Variants in RAB31 observed in about 807,000 individuals in gnomAD.
RAB31 encodes the protein ras-related protein Rab-31.
A neutral mutation model predicts 25.6 loss-of-function variants in RAB31; 21 were observed. That is an observed-to-expected ratio of 0.82 (90% CI 0.58 to 1.18). The LOEUF (loss-of-function observed/expected upper bound fraction) is 1.18, where lower values mean the gene tolerates loss of function less well. Among genes scored for constraint, RAB31 ranks in the 50% most tolerant of loss-of-function variants. The pLI is 0.00. For synonymous variants in RAB31, 87 were observed against 84.0 expected (o/e 1.04, Z -0.20); for missense variants, 196 against 250.1 (o/e 0.78, Z 1.46).
chr18:9,721,076 T>G (rs1396733773), intron 1 of RAB31, among the ~76,000 whole-genome samples: 1 of 152,214 alleles, frequency 6.6e-6, no homozygotes, highest in Non-Finnish European at 1.5e-5. Flanking sequence ...TTCACCATTC[T>G]CTGATTTCCT....
chr18:9,775,215 T>C, intron 1 of RAB31, 63 bp from the exon 2 acceptor site: 1 of 1,609,776 alleles, frequency 6.2e-7, no homozygotes, highest in South Asian at 1.1e-5. Flanking sequence ...TGAGGTCAGT[T>C]AACCTCACAA....
chr18:9,824,612 G>T (rs577302943), intron 5 of RAB31, among the ~76,000 whole-genome samples: 1 of 152,306 alleles, frequency 6.6e-6, no homozygotes, highest in Middle Eastern at 3.4e-3. Flanking sequence ...CCCACTTAAG[G>T]CATTTGAGTG....
rs2068000366 is a variant in RAB31 at position 9,708,801 on chromosome 18, G to C, written c.39+357G>C. ...CGGCCCGCGAGTCCCCGGATCCGCG[G>C]CGACCTCGCGGGGACCCCCAGCGGG... On this transcript the variant is annotated intron_variant, in intron 1 of 6. Coordinates refer to ENST00000578921, the MANE Select transcript of RAB31 (RefSeq NM_006868.4). The surrounding 1 kb of genome is among the most constrained non-coding windows in gnomAD (Gnocchi z 6.4). Among the ~76,000 whole-genome samples the C allele has an allele frequency of 6.6e-6, 1 of 152,138 alleles. No homozygotes were observed. Among genetic ancestry groups the C allele is most frequent in the African/African-American group, 2.4e-5 (1 of 41,442 alleles).
At chr18:9,780,397 A>G (rs912423445) in intron 2 of RAB31, among the ~76,000 whole-genome samples, 2 of 152,176 alleles carry the variant, frequency 1.3e-5, no homozygotes, top group Non-Finnish European at 2.9e-5. Context: ...ACAACTGAAA[A>G]TGAAAAAAAC....
intron 1 of RAB31, among the ~76,000 whole-genome samples, chr18:9,727,536 G>A (rs1040614956): frequency 2.6e-5 from 4 of 152,080 alleles, no homozygotes; most frequent in East Asian, 1.9e-4. Context: ...GGCTGGTCTC[G>A]AACTCCTGGC....
In RAB31 at chr18:9,710,387, AG is replaced by A. The variant is rs554278715; in HGVS notation, c.39+1945del. 2.0e-4 allele frequency among the ~76,000 whole-genome samples: 30 copies of A among 152,314 alleles called. 1 individual carries two copies. In the South Asian group the frequency reaches 6.0e-3, roughly 30 times the overall value. ...CAAACCTGGGAGAGGAGGAAGCTGG[AG>A]GAAATCTCTTTACTTCTTTTATCTC... On this transcript the variant is annotated intron_variant, in intron 1 of 6. Transcript: ENST00000578921.
At chr18:9,803,375 A>G (rs1407756873) in intron 3 of RAB31, among the ~76,000 whole-genome samples, 2 of 151,708 alleles carry the variant, frequency 1.3e-5, no homozygotes, top group African/African-American at 2.4e-5. Context: ...AGCTGGGACT[A>G]TAGGCACCAG....
Position 9,805,366 on chromosome 18 carries a change from G to T in RAB31, c.202-8654G>T, listed in dbSNP as rs8087167. Among the ~76,000 whole-genome samples, 893 of 151,874 alleles carry T rather than the reference G, an allele frequency of 5.9e-3. 9 individuals are homozygous for T. Among genetic ancestry groups the T allele is most frequent in the African/African-American group, 0.021 (852 of 41,416 alleles). On this transcript the variant is annotated intron_variant, in intron 3 of 6. Coordinates refer to ENST00000578921, the MANE Select transcript of RAB31 (RefSeq NM_006868.4). ...AATCCTTCCTGGAGGTACAAGGGCA[G>T]AATCTTGTTTCCTTGCCTTTTTCAG...
At chr18:9,744,901 T>C (rs979100116) in intron 1 of RAB31, among the ~76,000 whole-genome samples, 6 of 151,518 alleles carry the variant, frequency 4.0e-5, no homozygotes, top group African/African-American at 1.5e-4. Context: ...TTTTACAACA[T>C]AGGGAACTAG....
intron 6 of RAB31, among the ~76,000 whole-genome samples, chr18:9,848,764 G>C (rs1294411033): frequency 6.6e-6 from 1 of 152,120 alleles, no homozygotes; most frequent in East Asian, 1.9e-4. Flanking sequence ...CCTTTAAAAA[G>C]GTGTGTTTAA....
intron 5 of RAB31, among the ~76,000 whole-genome samples, chr18:9,829,275 G>T (rs1226433037): frequency 2.0e-5 from 3 of 152,060 alleles, no homozygotes; most frequent in Admixed American, 6.6e-5. Flanking sequence ...CATTTTCCAA[G>T]CAGTAGATTT....
rs1391371024 is a variant in RAB31, at chr18:9,766,114, CCCGTT to C, written c.40-9163_40-9159del. Among the ~76,000 whole-genome samples, 5 of 152,102 alleles carry C rather than the reference CCCGTT, an allele frequency of 3.3e-5. No individual in the cohort carries two copies. Among genetic ancestry groups the C allele is most frequent in the Non-Finnish European group, 2.9e-5 (2 of 68,016 alleles). On this transcript the variant is annotated intron_variant, in intron 1 of 6. Transcript: ENST00000578921. The surrounding 1 kb of genome is among the most constrained non-coding windows in gnomAD (Gnocchi z 4.3). ...TGCTTCCTGGATTGAGCTTCCTGAG[CCCGTT>C]TGTCTTCTGCTCTGAGTTGACCCTG...
intron 1 of RAB31, among the ~76,000 whole-genome samples, chr18:9,758,600 A>G (rs1006905417): frequency 3.3e-5 from 5 of 151,970 alleles, no homozygotes; most frequent in African/African-American, 1.2e-4. Context: ...CCATCACAGC[A>G]CTTGTCACAG....
At chr18:9,775,709 C>A (rs754868146) in intron 2 of RAB31, among the ~76,000 whole-genome samples, 1 of 152,186 alleles carries the variant, frequency 6.6e-6, no homozygotes, top group Admixed American at 6.6e-5. Flanking sequence ...TGCTAATAAA[C>A]CCTGAAAATG....
intron 1 of RAB31, among the ~76,000 whole-genome samples, chr18:9,751,896 G>A (rs1004884232): frequency 6.6e-6 from 1 of 152,152 alleles, no homozygotes; most frequent in African/African-American, 2.4e-5. Context: ...CCAAGGTTCC[G>A]TTAACAGAGC....
At chr18:9,793,923 A>G (rs966939586) in intron 3 of RAB31, among the ~76,000 whole-genome samples, 3 of 151,976 alleles carry the variant, frequency 2.0e-5, no homozygotes, top group East Asian at 1.9e-4. Context: ...TCATCTTCCA[A>G]TATATTATTT....
intron 3 of RAB31, among the ~76,000 whole-genome samples, chr18:9,807,286 T>G (rs2068546753): frequency 6.6e-6 from 1 of 152,206 alleles, no homozygotes. Context: ...TCCCACACAG[T>G]GGGCTCTTGT....
At position 9,714,266 on chromosome 18, in the gene RAB31, G is replaced by A. The variant is rs538986283; in HGVS notation, c.39+5822G>A. Among the ~76,000 whole-genome samples, 6 of 152,322 alleles carry A rather than the reference G, an allele frequency of 3.9e-5. No individual in the cohort carries two copies. The South Asian group carries it at 6.2e-4, about 16-fold the overall frequency. On this transcript the variant is annotated intron_variant, in intron 1 of 6. Transcript: ENST00000578921. ...TTTTCCACAGATGGGAGCAGGAGGCGGGGGATGGTTTTAGGATGAAACTGT... is the reference window on the plus strand; with the variant it reads ...TTTTCCACAGATGGGAGCAGGAGGCAGGGGATGGTTTTAGGATGAAACTGT...
rs1206965647 is a variant in RAB31, at chr18:9,751,034, T to G, written c.40-24244T>G. Among the ~76,000 whole-genome samples the G allele has an allele frequency of 2.0e-5, 3 of 152,154 alleles. No homozygotes were observed. In the East Asian group the frequency reaches 5.8e-4, roughly 29 times the overall value. ...TTCATGCCTCTTTTCTTTTTTCGTT[T>G]TTTAATTTTAGTCTTTTTGAGACAG... On this transcript the variant is annotated intron_variant, in intron 1 of 6. Coordinates refer to ENST00000578921, the MANE Select transcript of RAB31 (RefSeq NM_006868.4).
Sources: allele counts gnomAD v4.1 joint callset (sites outside exome capture counted in the v4.1 genomes callset), GRCh38; gene constraint gnomAD v4.1.1; non-coding constraint Gnocchi (gnomAD v3.1); transcripts MANE v1.5; gene names NCBI Gene and HGNC (gene_info 2026-07-23, HGNC 2026-07-21).